Variants in THSD4 observed in about 807,000 individuals in gnomAD.
THSD4 encodes thrombospondin type-1 domain-containing protein 4.
Under a neutral mutation model 119.0 loss-of-function variants are expected in THSD4, and 69 were observed. The observed-to-expected ratio is 0.58, with a 90% CI of 0.48 to 0.71. The LOEUF (loss-of-function observed/expected upper bound fraction) is 0.71. THSD4 is among the 30% of genes least tolerant of loss of function. The pLI is 0.00. For synonymous variants in THSD4, 524 were observed against 540.4 expected (o/e 0.97, Z 0.42); for missense variants, 1,393 against 1,391.1 (o/e 1.00, Z -0.02).
rs1015862227 is a variant in THSD4 at position 71,604,149 on chromosome 15, G to A, written c.1153-56381G>A. Among the ~76,000 whole-genome samples, 5 of 152,246 alleles carry A rather than the reference G, an allele frequency of 3.3e-5. No homozygotes were observed. The East Asian group carries it at 9.7e-4, about 29-fold the overall frequency. ...AGTGAAGATAATGAAATAAGTTTGG[G>A]CCCTAATGAGTTTGGGGTGGTGACA... On this transcript the variant is annotated intron_variant, in intron 7 of 17. Coordinates refer to ENST00000261862, the MANE Select transcript of THSD4 (RefSeq NM_024817.3).
At chr15:71,637,976 C>G (rs555125346) in intron 7 of THSD4, among the ~76,000 whole-genome samples, 204 of 152,278 alleles carry the variant, frequency 1.3e-3, no homozygotes, top group African/African-American at 4.6e-3. Flanking sequence ...ATCCACCTGC[C>G]TCAGCCTCCC....
At chr15:71,192,790 T>C (rs1433943480) in intron 3 of THSD4, among the ~76,000 whole-genome samples, 1 of 152,162 alleles carries the variant, frequency 6.6e-6, no homozygotes, top group Non-Finnish European at 1.5e-5. Context: ...ACTGTCTGTG[T>C]GCAGGACAAT....
intron 7 of THSD4, among the ~76,000 whole-genome samples, chr15:71,613,395 C>T (rs1011671456): frequency 3.9e-5 from 6 of 152,044 alleles, no homozygotes; most frequent in African/African-American, 1.4e-4. Context: ...TTTTTAAGTC[C>T]TGCAGATTCA....
At chr15:71,378,518 C>T (rs1006580875) in intron 6 of THSD4, among the ~76,000 whole-genome samples, 4 of 152,290 alleles carry the variant, frequency 2.6e-5, no homozygotes, top group South Asian at 4.1e-4. Context: ...GTCCCATCAT[C>T]CTTGAGGAAT....
chr15:71,775,230 TAC>T (rs2053892560), intron 17 of THSD4, among the ~76,000 whole-genome samples: 1 of 151,998 alleles, frequency 6.6e-6, no homozygotes, highest in African/African-American at 2.4e-5. Flanking sequence ...TAGGACAAAA[TAC>T]AGACACCCCA....
intron 7 of THSD4, among the ~76,000 whole-genome samples, chr15:71,624,254 C>T (rs978168898): frequency 2.2e-4 from 34 of 152,196 alleles, no homozygotes; most frequent in African/African-American, 8.0e-4. Context: ...CCAGTGAGAA[C>T]ACTTGAGCAA....
intron 7 of THSD4, among the ~76,000 whole-genome samples, chr15:71,604,431 A>G (rs756508337): frequency 2.0e-5 from 3 of 152,228 alleles, no homozygotes; most frequent in Non-Finnish European, 4.4e-5. Flanking sequence ...TTTACCCTAC[A>G]TGAAACCATA....
At chr15:71,443,433 C>CCT (rs5813634) in intron 7 of THSD4, among the ~76,000 whole-genome samples, 143,873 of 150,992 alleles carry the variant, frequency 0.95, 68,806 homozygotes, top group East Asian at 1. Flanking sequence ...AAAACAGATC[C>CCT]CTCTCTCTCT....
rs112418365 is a variant in THSD4 at position 71,127,870 on chromosome 15, C to G, written c.-80+12172C>G. 6.9e-3 allele frequency among the ~76,000 whole-genome samples: 1,051 copies of G among 152,216 alleles called. 9 individuals carry two copies. Among genetic ancestry groups the G allele is most frequent in the African/African-American group, 0.023 (959 of 41,546 alleles). ...TTTTCTCCCATTCTGTGGGTTGTCT[C>G]TTTACACTATTGTTTCCTTTGCTGT... On this transcript the variant is annotated intron_variant, in intron 1 of 17. Transcript: ENST00000261862.
chr15:71,433,812 GTGCT>G (rs2046971825), intron 7 of THSD4, among the ~76,000 whole-genome samples: 2 of 152,090 alleles, frequency 1.3e-5, no homozygotes, highest in Non-Finnish European at 2.9e-5. Context: ...GATGGCCCAG[GTGCT>G]GCACACACAC....
At chr15:71,678,720 C>T (rs2051704539) in intron 8 of THSD4, among the ~76,000 whole-genome samples, 1 of 152,204 alleles carries the variant, frequency 6.6e-6, no homozygotes, top group South Asian at 2.1e-4. Flanking sequence ...CATCTCCTGA[C>T]TCTACCCTAC....
chr15:71,495,447 C>T (rs1366967030), intron 7 of THSD4, among the ~76,000 whole-genome samples: 2 of 152,154 alleles, frequency 1.3e-5, no homozygotes, highest in Admixed American at 6.5e-5. Flanking sequence ...TTCCCTCCCT[C>T]TCATCACTTC....
chr15:71,559,852 C>T (rs1214171063), intron 7 of THSD4, among the ~76,000 whole-genome samples: 4 of 152,066 alleles, frequency 2.6e-5, no homozygotes, highest in East Asian at 3.9e-4. Context: ...GTTAGCATAT[C>T]GTGAGAGGCT....
chr15:71,184,938 C>G (rs1445787190), intron 3 of THSD4, among the ~76,000 whole-genome samples: 3 of 151,808 alleles, frequency 2.0e-5, no homozygotes, highest in African/African-American at 7.2e-5. Context: ...TTTGGCTCTC[C>G]CTATGCTGAA....
intron 15 of THSD4, 45 bp downstream of exon 15, chr15:71,758,120 G>A (rs1174904175): frequency 4.0e-6 from 6 of 1,518,658 alleles, no homozygotes; most frequent in Non-Finnish European, 5.3e-6. Flanking sequence ...CAGGCAAAAG[G>A]CAGCATACCA....
chr15:71,306,277 G>A (rs1001319022), intron 6 of THSD4, among the ~76,000 whole-genome samples: 18 of 115,902 alleles, frequency 1.6e-4, no homozygotes, highest in African/African-American at 6.1e-4. Context: ...TTGCACTCCA[G>A]CCTGGGTGAT....
chr15:71,236,284 G>C (rs1471114053), intron 4 of THSD4, among the ~76,000 whole-genome samples: 1 of 152,236 alleles, frequency 6.6e-6, no homozygotes, highest in African/African-American at 2.4e-5. Context: ...GAGGTAGGAA[G>C]CCCCCCTATA....
chr15:71,432,164 C>A lies in THSD4; in HGVS notation c.1152+20341C>A, dbSNP rs143982953. Among the ~76,000 whole-genome samples the A allele has an allele frequency of 2.1e-3, 321 of 152,248 alleles. 4 individuals carry two copies. Among genetic ancestry groups the A allele is most frequent in the African/African-American group, 7.1e-3 (295 of 41,546 alleles). On this transcript the variant is annotated intron_variant, in intron 7 of 17. Coordinates refer to ENST00000261862, the MANE Select transcript of THSD4 (RefSeq NM_024817.3). ...ATATAACTCAAGGAAAACTAAACAC[C>A]ATTTTGTATTTGCCAATGCTTCCCA...
At chr15:71,321,353 T>A (rs771239302) in intron 6 of THSD4, among the ~76,000 whole-genome samples, 2 of 152,044 alleles carry the variant, frequency 1.3e-5, no homozygotes, top group African/African-American at 2.4e-5. Context: ...CTGGCCAACA[T>A]GGTAAAACCC....
Sources: gnomAD v4.1 joint callset for allele counts (sites outside exome capture counted in the v4.1 genomes callset) on GRCh38, gnomAD v4.1.1 for gene constraint, MANE v1.5 for transcripts, NCBI Gene and HGNC (gene_info 2026-07-23, HGNC 2026-07-21) for gene names.